The following GCLM variants were observed in gnomAD, a reference collection of about 807,000 sequenced individuals.
GCLM encodes glutamate-cysteine ligase modifier subunit, also known as glutamate--cysteine ligase regulatory subunit.
A neutral mutation model predicts 36.0 loss-of-function variants in GCLM; 15 were observed. The ratio of observed to expected loss-of-function variants is 0.42; its 90% CI spans 0.28 to 0.64. The LOEUF (loss-of-function observed/expected upper bound fraction) is 0.64. GCLM is among the 30% of genes least tolerant of loss of function. The probability of loss-of-function intolerance (pLI) is 0.25; values close to 1 mark genes in which losing one functional copy is unlikely to be tolerated. For missense variants in GCLM, 242 were observed against 325.5 expected, an observed-to-expected ratio of 0.74 and a Z score of 1.97; for synonymous variants, 129 against 122.8, an observed-to-expected ratio of 1.05 and a Z score of -0.34.
At chr1:93,905,780 C>T (rs1657128491) in intron 1 of GCLM, among the ~76,000 whole-genome samples, 1 of 152,158 alleles carries the variant, frequency 6.6e-6, no homozygotes, top group African/African-American at 2.4e-5. Flanking sequence ...GGTATTTATG[C>T]TCACAACATG....
Position 93,909,065 on chromosome 1 carries a change from C to A in GCLM, c.99G>T (p.Lys33Asn). Residue 33 changes from lysine to asparagine, a missense_variant, in exon 1 of 7, where the codon AAG becomes AAT. Transcript: ENST00000370238. ...GNLLNWGRLR[K>N]KCPSTHSEEL... ...CCTCGCTGTGCGTGGACGGGCACTT[C>A]TTCCGCAGGCGGCCCCAGTTCAGCA... 1.4e-6 allele frequency: 2 copies of A among 1,475,014 alleles called. No homozygotes were observed. The highest frequency in any genetic ancestry group is 1.8e-6 in the Non-Finnish European group (2 of 1,118,870). The allele number at this position is 1,475,014 out of a possible 1,614,324, so 91.4% of individuals were successfully genotyped here.
In GCLM at chr1:93,909,287, G is replaced by A; in HGVS notation, c.-124C>T. On this transcript the variant is annotated 5_prime_UTR_variant, in exon 1 of 7. Coordinates refer to ENST00000370238, the MANE Select transcript of GCLM (RefSeq NM_002061.4). ...ACCCGAGAGGGAGCGCGAGGCTGCC[G>A]GCGCCGCGCGGCTGGAGCCTGGTCT... 1 of 1,049,992 alleles carries A rather than the reference G, an allele frequency of 9.5e-7. No individual in the cohort carries two copies. The highest frequency in any genetic ancestry group is 1.1e-6 in the Non-Finnish European group (1 of 873,538). 65.0% of individuals were successfully genotyped at this position (1,049,992 alleles called of 1,614,324 possible). A position where few individuals can be genotyped will look rare whatever the true frequency, so the allele number is the denominator to read the frequency against.
At chr1:93,896,917 TCTTCA>T in intron 4 of GCLM, 97 bp from the exon 5 acceptor site, 1 of 696,480 alleles carries the variant, frequency 1.4e-6, no homozygotes, top group Non-Finnish European at 2.5e-6. Flanking sequence ...CTGTCCATAT[TCTTCA>T]CTTGTTTTCA....
chr1:93,894,479 G>C (rs977609056), intron 6 of GCLM, 135 bp downstream of exon 6: 23 of 537,566 alleles, frequency 4.3e-5, no homozygotes, highest in Non-Finnish European at 6.7e-5. Flanking sequence ...TATAGGTTTT[G>C]AACTAACCAT....
intron 3 of GCLM, among the ~76,000 whole-genome samples, chr1:93,899,901 A>C (rs1656884318): frequency 6.6e-6 from 1 of 152,236 alleles, no homozygotes; most frequent in Non-Finnish European, 1.5e-5. Context: ...GTTCAAAAAA[A>C]TAAATGTATT....
intron 6 of GCLM, among the ~76,000 whole-genome samples, chr1:93,891,240 C>T (rs4598495): frequency 6.6e-6 from 1 of 151,698 alleles, no homozygotes; most frequent in East Asian, 1.9e-4. Flanking sequence ...CATATCCCAC[C>T]ACTCCTCTCC....
Position 93,894,871 on chromosome 1 carries a change from T to C in GCLM, c.541-143A>G, listed in dbSNP as rs1484786388. On this transcript the variant is annotated intron_variant, in intron 5 of 6. Transcript: ENST00000370238. The stretch of plus-strand genomic sequence containing the variant: ...GTGATTAAAGTTTACAAAATACTTT[T>C]ACATTAATATCTTTATTAATATATG... 5.2e-6 allele frequency: 3 copies of C among 580,690 alleles called. No homozygotes were observed. In the East Asian group the frequency reaches 8.5e-5, roughly 16 times the overall value. 36.0% of individuals were successfully genotyped at this position (580,690 alleles called of 1,614,324 possible).
chr1:93,892,627 T>A (rs1333917020), intron 6 of GCLM, among the ~76,000 whole-genome samples: 1 of 152,116 alleles, frequency 6.6e-6, no homozygotes, highest in African/African-American at 2.4e-5. Context: ...CAACTAAGTA[T>A]CAAATTATGT....
chr1:93,897,534 G>C (rs900392604), intron 4 of GCLM, among the ~76,000 whole-genome samples: 2 of 147,908 alleles, frequency 1.4e-5, no homozygotes, highest in Non-Finnish European at 3.0e-5. Flanking sequence ...TTTTTTTGCC[G>C]TTGTTTGGTT....
At chr1:93,901,103 T>G (rs541179141) in intron 3 of GCLM, among the ~76,000 whole-genome samples, 1 of 152,356 alleles carries the variant, frequency 6.6e-6, no homozygotes, top group South Asian at 2.1e-4. Flanking sequence ...TAGTACAGTT[T>G]CTGGAATTTG....
In GCLM at chr1:93,888,968, G is replaced by A; in HGVS notation, c.*22C>T. ...TCTCTCATATTGAAGGAAATTACAGGTAAGTTATGCTCCTAAGTCAGTTAA... is the reference window on the plus strand; with the variant it reads ...TCTCTCATATTGAAGGAAATTACAGATAAGTTATGCTCCTAAGTCAGTTAA... On this transcript the variant is annotated 3_prime_UTR_variant, in exon 7 of 7. Transcript: ENST00000370238. 4 of 1,493,498 alleles carry A rather than the reference G, an allele frequency of 2.7e-6. No individual in the cohort carries two copies. Among genetic ancestry groups the A allele is most frequent in the Non-Finnish European group, 3.6e-6 (4 of 1,113,236 alleles). 92.5% of individuals were successfully genotyped at this position (1,493,498 alleles called of 1,614,324 possible). A position where few individuals can be genotyped will look rare whatever the true frequency, so the allele number is the denominator to read the frequency against.
chr1:93,897,978 T>C lies in GCLM; in HGVS notation c.278-80A>G, dbSNP rs553750591. 18 of 589,990 alleles carry C rather than the reference T, an allele frequency of 3.1e-5. No individual in the cohort carries two copies. The East Asian group carries it at 5.3e-4, about 17-fold the overall frequency. The allele number at this position is 589,990 out of a possible 1,614,324, so 36.5% of individuals were successfully genotyped here. A position where few individuals can be genotyped will look rare whatever the true frequency, so the allele number is the denominator to read the frequency against. ...TATGCTAGTATTAACACTACTATAA[T>C]ACTAAGATGTCAGATAATCCTGAAT... is the stretch of plus-strand genomic sequence containing the variant. On this transcript the variant is annotated intron_variant, in intron 3 of 6. Coordinates refer to ENST00000370238, the MANE Select transcript of GCLM (RefSeq NM_002061.4).
intron 6 of GCLM, among the ~76,000 whole-genome samples, chr1:93,894,237 C>T (rs550272507): frequency 6.1e-4 from 90 of 148,144 alleles, no homozygotes; most frequent in African/African-American, 2.2e-3. Context: ...CCAGCCTGGG[C>T]GACAGAACAA....
intron 4 of GCLM, 121 bp downstream of exon 4, chr1:93,897,718 A>T: frequency 1.7e-6 from 1 of 585,994 alleles, no homozygotes. Flanking sequence ...CTAGAACTTT[A>T]AAAGGTAAAA....
chr1:93,900,479 A>T (rs1656908100), intron 3 of GCLM, among the ~76,000 whole-genome samples: 1 of 152,230 alleles, frequency 6.6e-6, no homozygotes, highest in Non-Finnish European at 1.5e-5. Context: ...TTAACAGGAA[A>T]AAATGGGTTT....
chr1:93,887,669 C>G lies in GCLM; in HGVS notation c.*1321G>C, dbSNP rs1466825146. The G allele has an allele frequency of 6.6e-6, 1 of 151,980 alleles. No individual in the cohort carries two copies. Among genetic ancestry groups the G allele is most frequent in the Admixed American group, 6.6e-5 (1 of 15,256 alleles). The allele number at this position is 151,980 out of a possible 1,614,324, so 9.4% of individuals were successfully genotyped here. A position where few individuals can be genotyped will look rare whatever the true frequency, so the allele number is the denominator to read the frequency against. On this transcript the variant is annotated 3_prime_UTR_variant, in exon 7 of 7. Coordinates refer to ENST00000370238, the MANE Select transcript of GCLM (RefSeq NM_002061.4). ...TATTTTAGTAGAGATGGGGTTTTAC[C>G]ATGTTGGTCAGGCTGGTCTCAAACT...
intron 6 of GCLM, among the ~76,000 whole-genome samples, chr1:93,891,594 T>A (rs1025117731): frequency 6.6e-6 from 1 of 152,188 alleles, no homozygotes; most frequent in African/African-American, 2.4e-5. Context: ...GAGGGTTGGT[T>A]TTTGTCTGAC....
chr1:93,889,181 A>T, intron 6 of GCLM, 22 bp from the exon 7 acceptor site: 2 of 1,526,900 alleles, frequency 1.3e-6, no homozygotes, highest in Non-Finnish European at 1.8e-6. Context: ...AACAACAAAC[A>T]AAACTCCAGC....
intron 6 of GCLM, 138 bp from the exon 7 acceptor site, chr1:93,889,297 G>A (rs17879276): frequency 3.1e-5 from 15 of 489,588 alleles, no homozygotes; most frequent in Non-Finnish European, 4.5e-5. Context: ...TTCTTCATGT[G>A]TGTGCTATGA....
Sources: gnomAD v4.1 joint callset for allele counts (sites outside exome capture counted in the v4.1 genomes callset) on GRCh38, gnomAD v4.1.1 for gene constraint, MANE v1.5 for transcripts, NCBI Gene and HGNC (gene_info 2026-07-23, HGNC 2026-07-21) for gene names.